SALL1: variants seen among roughly 807,000 people sequenced by gnomAD.
SALL1 encodes sal-like protein 1.
Under a neutral mutation model 73.1 loss-of-function variants are expected in SALL1, and 10 were observed. That is an observed-to-expected ratio of 0.14 (90% CI 0.08 to 0.23). The LOEUF is 0.23. Among genes scored for constraint, SALL1 ranks in the 10% least tolerant of loss-of-function variants. The pLI is 1.00. For missense variants in SALL1, 1,520 were observed against 1,697.3 expected (o/e 0.90, Z 1.84); for synonymous variants, 688 against 689.8 (o/e 1.00, Z 0.04).
Position 51,140,634 on chromosome 16 carries a change from T to C in SALL1, c.1588A>G (p.Met530Val). 6.2e-7 allele frequency: 1 copy of C among 1,614,126 alleles called. No individual in the cohort carries two copies. Among genetic ancestry groups the C allele is most frequent in the Non-Finnish European group, 8.5e-7 (1 of 1,180,012 alleles). Residue 530 changes from methionine (M) to valine (V), a missense_variant, in exon 2 of 3, where the codon ATG becomes GTG. Met to Val is a conservative substitution (Grantham distance 21). Transcript: ENST00000251020. This position sits in a 1 kb window ranked among gnomAD's most constrained non-coding sequence, Gnocchi z 5.7. ...IPTSTGIPYG[M>V]SIPPEKPVTS... ...ACTGGCTTCTCTGGAGGGATGGACATGCCATATGGGATGCCAGTACTCGTG... is the reference window on the plus strand; with the variant it reads ...ACTGGCTTCTCTGGAGGGATGGACACGCCATATGGGATGCCAGTACTCGTG...
In SALL1 at chr16:51,148,005, TA is replaced by T. The variant is rs1253564970; in HGVS notation, c.76+3160del. Among the ~76,000 whole-genome samples the T allele has an allele frequency of 3.3e-5, 5 of 152,356 alleles. No homozygotes were observed. In the East Asian group the frequency reaches 9.6e-4, roughly 29 times the overall value. On this transcript the variant is annotated intron_variant, in intron 1 of 2. Coordinates refer to ENST00000251020, the MANE Select transcript of SALL1 (RefSeq NM_002968.3). ...TGAATATCATTTAGGAGACAAGTCA[TA>T]TTTGCCATAATCTTGGTTTCATAAG...
Position 51,141,026 on chromosome 16 carries a change from T to C in SALL1, c.1196A>G (p.Asn399Ser). Residue 399 changes from asparagine (N) to serine (S), a missense_variant, in exon 2 of 3, where the codon AAC becomes AGC. By Grantham distance (46) the Asn-to-Ser change is conservative (BLOSUM62 1). Around this residue, in one of 7 missense-constraint regions of SALL1, gnomAD observed 540 missense variants for 567.5 expected, o/e 0.95. Coordinates refer to ENST00000251020, the MANE Select transcript of SALL1 (RefSeq NM_002968.3). This position sits in a 1 kb window ranked among gnomAD's most constrained non-coding sequence, Gnocchi z 5.4. Reference protein sequence around the residue: ...NPLLPQQASANSVFPSPLPNI... With the variant: ...NPLLPQQASASSVFPSPLPNI... ...GGGCAAAGGGCTGGGGAAAACCGAG[T>C]TAGCGGAGGCTTGCTGAGGTAGAAG... 1 of 1,614,210 alleles carries C rather than the reference T, an allele frequency of 6.2e-7. No individual in the cohort carries two copies. The highest frequency in any genetic ancestry group is 8.5e-7 in the Non-Finnish European group (1 of 1,180,036).
upstream of SALL1, among the ~76,000 whole-genome samples, chr16:51,151,728 CT>C (rs1349837507): frequency 6.6e-6 from 1 of 150,650 alleles, no homozygotes; most frequent in Non-Finnish European, 1.5e-5. Context: ...TCCCCTCCCT[CT>C]TCCCTCCCTC....
At chr16:51,151,646 C>T (rs981335437), upstream of SALL1, among the ~76,000 whole-genome samples, 1 of 151,342 alleles carries the variant, frequency 6.6e-6, no homozygotes, top group African/African-American at 2.4e-5. Context: ...CTCCGCGGCC[C>T]GGCCGCCGGG....
At chr16:51,149,452 C>G (rs1228452942) in intron 1 of SALL1, 1 of 152,118 alleles carries the variant, frequency 6.6e-6, no homozygotes, top group Non-Finnish European at 1.5e-5. Flanking sequence ...TGAGAAAACC[C>G]GGAAAAATAC....
chr16:51,139,843 G>C lies in SALL1; in HGVS notation c.2379C>G (p.Ile793Met). ...QHIRMHMGGQIPNTPVPDSYS... is the reference protein window; with the variant it reads ...QHIRMHMGGQMPNTPVPDSYS... The stretch of plus-strand genomic sequence containing the variant: ...AGCTGTCGGGGACTGGGGTGTTGGG[G>C]ATCTGGCCTCCCATATGCATTCGGA... Residue 793 changes from isoleucine (I) to methionine (M), a missense_variant, in exon 2 of 3, where the codon ATC becomes ATG. Transcript: ENST00000251020. 6.2e-7 allele frequency: 1 copy of C among 1,614,190 alleles called. No individual in the cohort carries two copies. Among genetic ancestry groups the C allele is most frequent in the Non-Finnish European group, 8.5e-7 (1 of 1,180,034 alleles).
chr16:51,140,418 T>G lies in SALL1; in HGVS notation c.1804A>C (p.Thr602Pro), dbSNP rs780005075. ...TCTGGGAGCCCACCTAGGTTTCTTGTGGCTGACTCAGGGCCCCCGGAGTCA... is the reference window on the plus strand; with the variant it reads ...TCTGGGAGCCCACCTAGGTTTCTTGGGGCTGACTCAGGGCCCCCGGAGTCA... ...KSDSGGPESA[T>P]RNLGGLPEEA... The change falls in exon 2 of 3, where the codon ACA (threonine) becomes CCA (proline). Residue 602 changes from threonine to proline, a missense_variant. Thr to Pro is a conservative substitution (Grantham distance 38). This residue lies in a region of SALL1 where 276 missense variants were observed against 259.1 expected (regional missense o/e 1.07). Transcript: ENST00000251020. The surrounding 1 kb of genome is among the most constrained non-coding windows in gnomAD (Gnocchi z 5.7). 1.2e-6 allele frequency: 2 copies of G among 1,614,044 alleles called. No homozygotes were observed. The highest frequency in any genetic ancestry group is 4.5e-5 in the East Asian group (2 of 44,860).
chr16:51,138,080 C>T (rs1042639149), intron 2 of SALL1, among the ~76,000 whole-genome samples: 2 of 152,176 alleles, frequency 1.3e-5, no homozygotes, highest in African/African-American at 4.8e-5. Flanking sequence ...CAGAGAAATA[C>T]TCTGTCAACA....
chr16:51,141,272 G>T lies in SALL1; in HGVS notation c.950C>A (p.Pro317His), dbSNP rs757759761. Residue 317 changes from proline (P) to histidine (H), a missense_variant, in exon 2 of 3, where the codon CCC (proline) becomes CAC (histidine). Physicochemically the swap from Pro to His is moderately conservative, Grantham distance 77. Coordinates refer to ENST00000251020, the MANE Select transcript of SALL1 (RefSeq NM_002968.3). The surrounding 1 kb of genome is among the most constrained non-coding windows in gnomAD (Gnocchi z 5.4). ...ACTGCTCTGAGGTAGCTGGATTGGGGGTAGCTGTTTCACACCACTAATGCT... is the reference window on the plus strand; with the variant it reads ...ACTGCTCTGAGGTAGCTGGATTGGGTGTAGCTGTTTCACACCACTAATGCT... ...SASISGVKQL[P>H]PIQLPQSSSG... 14 of 1,613,978 alleles carry T rather than the reference G, an allele frequency of 8.7e-6. No homozygotes were observed. In the East Asian group the frequency reaches 3.1e-4, roughly 36 times the overall value.
rs773557128 is a variant in SALL1, at chr16:51,140,370, G to C, written c.1852C>G (p.Pro618Ala). ...TCTTCGCTTTTGCCACCAGAGGGTG[G>C]CAGAGTGGACCCTTCGGCTTCCTCT... The part of the protein sequence containing the change: ...LPEEAEGSTL[P>A]PSGGKSEESG... Residue 618 changes from proline to alanine, a missense_variant, in exon 2 of 3, where the codon CCA (proline) becomes GCA (alanine). By Grantham distance (27) the Pro-to-Ala change is conservative. Around this residue, in one of 7 missense-constraint regions of SALL1, gnomAD observed 276 missense variants for 259.1 expected, o/e 1.07. Transcript: ENST00000251020. The surrounding 1 kb of genome is among the most constrained non-coding windows in gnomAD (Gnocchi z 5.7). 2 of 1,614,150 alleles carry C rather than the reference G, an allele frequency of 1.2e-6. No individual in the cohort carries two copies. Among genetic ancestry groups the C allele is most frequent in the East Asian group, 4.5e-5 (2 of 44,876 alleles).
Position 51,141,794 on chromosome 16 carries a change from C to CTGCCGCTGGAAG in SALL1, c.416_427dup (p.Thr139_Gly142dup), listed in dbSNP as rs765758343. On this transcript the variant is annotated inframe_insertion, in exon 2 of 3. Transcript: ENST00000251020. The surrounding 1 kb of genome is among the most constrained non-coding windows in gnomAD (Gnocchi z 5.4). Reference sequence around the variant, plus strand: ...GCTGCTTGGGGCGGTACTGCTGTGGCTGCCGCTGGAAGTGCCGCTGCCGCT... The same window carrying CTGCCGCTGGAAG: ...GCTGCTTGGGGCGGTACTGCTGTGGCTGCCGCTGGAAGTGCCGCTGGAAGTGCCGCTGCCGCT... The CTGCCGCTGGAAG allele has an allele frequency of 3.7e-6, 6 of 1,613,336 alleles. No homozygotes were observed. The highest frequency in any genetic ancestry group is 5.1e-6 in the Non-Finnish European group (6 of 1,179,872).
In SALL1 at chr16:51,138,927, C is replaced by A; in HGVS notation, c.3295G>T (p.Asp1099Tyr). 1.9e-6 allele frequency: 3 copies of A among 1,614,140 alleles called. No homozygotes were observed. Among genetic ancestry groups the A allele is most frequent in the Non-Finnish European group, 2.5e-6 (3 of 1,180,038 alleles). Residue 1099 changes from aspartate (D) to tyrosine (Y), a missense_variant, in exon 2 of 3, where the codon GAC becomes TAC. By Grantham distance (160) the Asp-to-Tyr change is radical. Transcript: ENST00000251020. Reference protein sequence around the residue: ...VNGFVHVSPQDSKDTPTSHVP... With the variant: ...VNGFVHVSPQYSKDTPTSHVP... ...TGACTGGTGGGGGTGTCCTTACTGTCCTGAGGAGAAACATGCACGAAGCCG... is the reference window on the plus strand; with the variant it reads ...TGACTGGTGGGGGTGTCCTTACTGTACTGAGGAGAAACATGCACGAAGCCG...
At chr16:51,150,709 C>T in intron 1 of SALL1, 2 of 508,992 alleles carry the variant, frequency 3.9e-6, no homozygotes, top group East Asian at 1.5e-4. Flanking sequence ...ACTTCCTTAC[C>T]GCTGGCAGCA....
At chr16:51,143,017 C>G (rs550027916) in intron 1 of SALL1, among the ~76,000 whole-genome samples, 1 of 152,202 alleles carries the variant, frequency 6.6e-6, no homozygotes, top group African/African-American at 2.4e-5. Flanking sequence ...AAAACTGGCA[C>G]AAGATTTACA....
chr16:51,151,836 G>A (rs905514202), upstream of SALL1, among the ~76,000 whole-genome samples: 4 of 151,174 alleles, frequency 2.6e-5, no homozygotes, highest in South Asian at 4.2e-4. Context: ...GCCGGGCGGC[G>A]AGGGCTGGGG....
rs772285073 is a variant in SALL1 at position 51,140,536 on chromosome 16, G to C, written c.1686C>G (p.Thr562=). 81 of 1,614,014 alleles carry C rather than the reference G, an allele frequency of 5.0e-5. No homozygotes were observed. Among genetic ancestry groups the C allele is most frequent in the Non-Finnish European group, 6.8e-5 (80 of 1,179,924 alleles). Residue 562 remains threonine (T), a synonymous_variant, in exon 2 of 3, where the codon ACC becomes ACG. Transcript: ENST00000251020. The surrounding 1 kb of genome is among the most constrained non-coding windows in gnomAD (Gnocchi z 5.7). Reference sequence around the variant, plus strand: ...TGATGAAGGGTATGAGGCTTGGGAGGGTTGGGGGCAACGGCAGGCCGACTG... The same window carrying C: ...TGATGAAGGGTATGAGGCTTGGGAGCGTTGGGGGCAACGGCAGGCCGACTG... ...TTSVGLPLPP[T]LPSLIPFIKT...
chr16:51,135,999 C>CA lies in SALL1; in HGVS notation c.*1112dup, dbSNP rs551203456. ...ACACAGTATTTTGTTTTATCTGTTGCAAAAAAAATGTATTTGATTACTTGA... is the reference window on the plus strand; with the variant it reads ...ACACAGTATTTTGTTTTATCTGTTGCAAAAAAAAATGTATTTGATTACTTGA... On this transcript the variant is annotated 3_prime_UTR_variant, in exon 3 of 3. Coordinates refer to ENST00000251020, the MANE Select transcript of SALL1 (RefSeq NM_002968.3). 644 of 152,008 alleles carry CA rather than the reference C, an allele frequency of 4.2e-3. 2 individuals carry two copies. The highest frequency in any genetic ancestry group is 6.8e-3 in the Non-Finnish European group (461 of 67,834). The allele number at this position is 152,008 out of a possible 1,614,324, so 9.4% of individuals were successfully genotyped here. A position where few individuals can be genotyped will look rare whatever the true frequency, so the allele number is the denominator to read the frequency against.
intron 1 of SALL1, chr16:51,149,219 C>T (rs1253252208): frequency 6.6e-6 from 1 of 151,978 alleles, no homozygotes; most frequent in Non-Finnish European, 1.5e-5. Context: ...AGGCAAAAGG[C>T]AAAGATCTTC....
At chr16:51,144,781 T>C (rs766929282) in intron 1 of SALL1, among the ~76,000 whole-genome samples, 80 of 152,136 alleles carry the variant, frequency 5.3e-4, no homozygotes, top group Non-Finnish European at 9.7e-4. Flanking sequence ...ATTTTTATAT[T>C]TAGGATTGTG....
Sources: gnomAD v4.1 joint callset for allele counts (sites outside exome capture counted in the v4.1 genomes callset) on GRCh38, gnomAD v4.1.1 for gene constraint, gnomAD v4.1.1 regional missense constraint, Gnocchi (gnomAD v3.1) non-coding constraint, MANE v1.5 for transcripts, NCBI Gene and HGNC (gene_info 2026-07-23, HGNC 2026-07-21) for gene names.